GNPTAB: variants seen among roughly 807,000 people sequenced by gnomAD.
GNPTAB encodes N-acetylglucosamine-1-phosphotransferase subunits alpha/beta.
Under a neutral mutation model 136.6 loss-of-function variants are expected in GNPTAB, and 92 were observed. The ratio of observed to expected loss-of-function variants is 0.67; its 90% CI spans 0.57 to 0.80. The LOEUF is 0.80. GNPTAB is among the 30% of genes least tolerant of loss of function. GNPTAB has a pLI of 0.00. For synonymous variants in GNPTAB, 512 were observed against 535.1 expected, an observed-to-expected ratio of 0.96 and a Z score of 0.60; for missense variants, 1,343 against 1,501.8, an observed-to-expected ratio of 0.89 and a Z score of 1.75.
Position 101,764,269 on chromosome 12 carries a change from T to A in GNPTAB, c.2648A>T (p.His883Leu). The A allele has an allele frequency of 1.2e-6, 2 of 1,614,136 alleles. No homozygotes were observed. Among genetic ancestry groups the A allele is most frequent in the Non-Finnish European group, 1.7e-6 (2 of 1,179,992 alleles). Residue 883 changes from histidine (H) to leucine (L), a missense_variant, in exon 13 of 21, where the codon CAT (histidine) becomes CTT (leucine). His to Leu is a moderately conservative substitution (Grantham distance 99, BLOSUM62 -3). Coordinates refer to ENST00000299314, the MANE Select transcript of GNPTAB (RefSeq NM_024312.5). ...TEVLLGRKLQ[H>L]YTDSYLGFLP... Reference sequence around the variant, plus strand: ...AAAGCCCAAGTAACTATCTGTGTAATGCTGCAGCTTTCTTCCAAGTAACAC... The same window carrying A: ...AAAGCCCAAGTAACTATCTGTGTAAAGCTGCAGCTTTCTTCCAAGTAACAC...
intron 1 of GNPTAB, among the ~76,000 whole-genome samples, chr12:101,799,030 T>C (rs1304636637): frequency 6.6e-6 from 1 of 151,954 alleles, no homozygotes; most frequent in Non-Finnish European, 1.5e-5. Context: ...CAAAAGAATT[T>C]AGCTAAGAAT....
chr12:101,756,416 A>T, intron 18 of GNPTAB: 1 of 329,856 alleles, frequency 3.0e-6, no homozygotes, highest in Non-Finnish European at 5.9e-6. Context: ...GAAATTAAAA[A>T]TACTCCATTT....
At chr12:101,794,372 G>A (rs1479841944) in intron 2 of GNPTAB, among the ~76,000 whole-genome samples, 1 of 152,032 alleles carries the variant, frequency 6.6e-6, no homozygotes, top group Non-Finnish European at 1.5e-5. Flanking sequence ...ATACTGGCCA[G>A]GTATGGTGGC....
chr12:101,764,953 G>T lies in GNPTAB; in HGVS notation c.1964C>A (p.Pro655His). ...AQKGYENLVS[P>H]ITLLPEAEIL... The stretch of plus-strand genomic sequence containing the variant: ...TTCCGCCTCTGGAAGAAGTGTTATG[G>T]GACTAACTAAATTTTCGTAACCCTT... Residue 655 changes from proline to histidine, a missense_variant, in exon 13 of 21, where the codon CCC (proline) becomes CAC (histidine). Transcript: ENST00000299314. The T allele has an allele frequency of 6.2e-7, 1 of 1,613,918 alleles. No individual in the cohort carries two copies. Among genetic ancestry groups the T allele is most frequent in the Non-Finnish European group, 8.5e-7 (1 of 1,179,990 alleles).
At chr12:101,786,304 ATTTT>A in intron 4 of GNPTAB, 87 bp from the exon 5 acceptor site, 1 of 1,013,166 alleles carries the variant, frequency 9.9e-7, no homozygotes. Context: ...AATTTTTCAG[ATTTT>A]TTTATAGCCC....
Position 101,761,167 on chromosome 12 carries a change from GT to G in GNPTAB, c.3094del (p.Thr1032HisfsTer11), listed in dbSNP as rs1594210760. 6.2e-7 allele frequency: 1 copy of G among 1,614,002 alleles called. No homozygotes were observed. Among genetic ancestry groups the G allele is most frequent in the East Asian group, 2.2e-5 (1 of 44,880 alleles). The stretch of plus-strand genomic sequence containing the variant: ...CAGTTCGTGAATTCTGGTAGCCAGT[GT>G]TCGGATTTCTCTGTCAGACAAGACA... Reference protein sequence around the residue: ...SGVLSDREIRTLATRIHELPL... With the variant: ...SGVLSDREIRXLATRIHELPL... On this transcript the variant is annotated frameshift_variant, in exon 15 of 21. Transcript: ENST00000299314. LOFTEE classifies it high-confidence loss of function.
At chr12:101,792,005 G>A (rs936389912) in intron 2 of GNPTAB, among the ~76,000 whole-genome samples, 1 of 152,182 alleles carries the variant, frequency 6.6e-6, no homozygotes, top group African/African-American at 2.4e-5. Context: ...AAGACAGGAA[G>A]TAAATCAAAT....
chr12:101,775,469 C>T (rs775031611), intron 7 of GNPTAB, among the ~76,000 whole-genome samples: 1 of 151,028 alleles, frequency 6.6e-6, no homozygotes, highest in Non-Finnish European at 1.5e-5. Context: ...AAGTGATTCT[C>T]GTGCCTTAGC....
intron 1 of GNPTAB, among the ~76,000 whole-genome samples, chr12:101,827,036 C>T (rs1000627103): frequency 1.1e-4 from 15 of 137,608 alleles, no homozygotes; most frequent in African/African-American, 3.9e-4. Context: ...GCACCTCAAA[C>T]TCCTGGGCTC....
At chr12:101,753,029 G>A (rs1229749698) in intron 19 of GNPTAB, among the ~76,000 whole-genome samples, 2 of 152,098 alleles carry the variant, frequency 1.3e-5, no homozygotes, top group African/African-American at 2.4e-5. Context: ...GAGGCGGGCG[G>A]ATCACCTGAG....
At position 101,764,543 on chromosome 12, in the gene GNPTAB, C is replaced by T. The variant is rs1181226202; in HGVS notation, c.2374G>A (p.Ala792Thr). ...TGACCATTCACTTTTACACTCACTG[C>T]AGGAAAAGTCAACCTCTGCAATCTT... ...SERLQRLTFPAVSVKVNGHDQ... is the reference protein window; with the variant it reads ...SERLQRLTFPTVSVKVNGHDQ... The change falls in exon 13 of 21, where the codon GCA (alanine) becomes ACA (threonine). Residue 792 changes from alanine to threonine, a missense_variant. By Grantham distance (58) the Ala-to-Thr change is moderately conservative (BLOSUM62 0). Coordinates refer to ENST00000299314, the MANE Select transcript of GNPTAB (RefSeq NM_024312.5). 1 of 1,613,160 alleles carries T rather than the reference C, an allele frequency of 6.2e-7. No individual in the cohort carries two copies. Among genetic ancestry groups the T allele is most frequent in the Non-Finnish European group, 8.5e-7 (1 of 1,179,724 alleles).
chr12:101,804,049 T>C (rs1243842723), intron 1 of GNPTAB, among the ~76,000 whole-genome samples: 2 of 151,764 alleles, frequency 1.3e-5, no homozygotes, highest in Non-Finnish European at 2.9e-5. Flanking sequence ...CTGGGCAATA[T>C]AGTAAGACCT....
chr12:101,790,424 T>C (rs1370223541), intron 2 of GNPTAB, among the ~76,000 whole-genome samples: 2 of 152,246 alleles, frequency 1.3e-5, no homozygotes, highest in East Asian at 3.9e-4. Context: ...AGAAGGGAGC[T>C]GGGATGCAAA....
chr12:101,819,785 T>A (rs1870706480), intron 1 of GNPTAB, among the ~76,000 whole-genome samples: 1 of 152,166 alleles, frequency 6.6e-6, no homozygotes, highest in African/African-American at 2.4e-5. Flanking sequence ...GCAGAAATTT[T>A]AAAAAGATAT....
intron 3 of GNPTAB, 149 bp from the exon 4 acceptor site, chr12:101,788,738 G>A: frequency 4.6e-6 from 3 of 653,508 alleles, no homozygotes; most frequent in Non-Finnish European, 8.3e-6. Flanking sequence ...CACTGGGAAA[G>A]TCATATAACC....
chr12:101,746,135 G>C lies in GNPTAB; in HGVS notation c.*1029C>G, dbSNP rs953662041. 1 of 152,128 alleles carries C rather than the reference G, an allele frequency of 6.6e-6. No individual in the cohort carries two copies. The highest frequency in any genetic ancestry group is 2.4e-5 in the African/African-American group (1 of 41,418). 9.4% of individuals were successfully genotyped at this position (152,128 alleles called of 1,614,324 possible). On this transcript the variant is annotated 3_prime_UTR_variant, in exon 21 of 21. Transcript: ENST00000299314. ...GTGGGCAGTTTTTGTACAGCTGCAA[G>C]CTAAACATGGTTTTTACATTTTTAG...
In GNPTAB at chr12:101,780,226, A is replaced by T. The variant is rs1566082755; in HGVS notation, c.697T>A (p.Phe233Ile). Reference protein sequence around the residue: ...LMQDLAFLSGFPPTFKETNQL... With the variant: ...LMQDLAFLSGIPPTFKETNQL... Reference sequence around the variant, plus strand: ...TTTGTTTCCTTGAATGTTGGTGGAAATCCACTCAGGAAAGCCAAATCTTGC... The same window carrying T: ...TTTGTTTCCTTGAATGTTGGTGGAATTCCACTCAGGAAAGCCAAATCTTGC... The change falls in exon 7 of 21, where the codon TTT (phenylalanine) becomes ATT (isoleucine). Residue 233 changes from phenylalanine to isoleucine, a missense_variant. By Grantham distance (21) the Phe-to-Ile change is conservative. Transcript: ENST00000299314. The T allele has an allele frequency of 6.2e-7, 1 of 1,613,494 alleles. No homozygotes were observed. The highest frequency in any genetic ancestry group is 8.5e-7 in the Non-Finnish European group (1 of 1,179,422).
chr12:101,824,437 CTTTTTTT>C (rs757768467), intron 1 of GNPTAB, among the ~76,000 whole-genome samples: 7 of 47,014 alleles, frequency 1.5e-4, no homozygotes, highest in Non-Finnish European at 1.7e-4. Flanking sequence ...TATATATTTT[CTTTTTTT>C]TTTTTTTTTT....
At chr12:101,828,150 T>TAGC (rs1871195492) in intron 1 of GNPTAB, among the ~76,000 whole-genome samples, 1 of 152,234 alleles carries the variant, frequency 6.6e-6, no homozygotes, top group Non-Finnish European at 1.5e-5. Flanking sequence ...GATAATATAA[T>TAGC]AGCAGCAGTA....
Sources: allele counts gnomAD v4.1 joint callset (sites outside exome capture counted in the v4.1 genomes callset), GRCh38; gene constraint gnomAD v4.1.1; transcripts MANE v1.5; gene names NCBI Gene and HGNC (gene_info 2026-07-23, HGNC 2026-07-21).